Variants in GIPC1 observed in about 807,000 individuals in gnomAD.
GIPC1 encodes the protein PDZ domain-containing protein GIPC1.
GIPC1 carries 15 observed loss-of-function variants against 28.5 expected under a neutral mutation model. The ratio of observed to expected loss-of-function variants is 0.53; its 90% CI spans 0.35 to 0.81. The LOEUF (loss-of-function observed/expected upper bound fraction) is 0.81, where lower values mean the gene tolerates loss of function less well. Ranked by LOEUF, GIPC1 falls within the 30% of genes least tolerant of loss-of-function variation. The pLI, the probability that GIPC1 is intolerant of heterozygous loss-of-function variation, is 0.01. For missense variants in GIPC1, 439 were observed against 481.9 expected (o/e 0.91, Z 0.83); for synonymous variants, 224 against 206.1 (o/e 1.09, Z -0.74).
At chr19:14,483,982 T>G (rs193215392) in intron 3 of GIPC1, among the ~76,000 whole-genome samples, 22 of 151,956 alleles carry the variant, frequency 1.4e-4, no homozygotes, top group Admixed American at 7.9e-4. Flanking sequence ...CATAGGCACA[T>G]GCCATGAAGC....
chr19:14,484,527 C>T (rs1248303290), intron 3 of GIPC1, among the ~76,000 whole-genome samples: 1 of 150,634 alleles, frequency 6.6e-6, no homozygotes, highest in Non-Finnish European at 1.5e-5. Context: ...GGGTGGATCA[C>T]GAGGTCAGGA....
chr19:14,485,812 C>CCAG (rs1231570414), intron 3 of GIPC1, among the ~76,000 whole-genome samples: 1 of 147,648 alleles, frequency 6.8e-6, no homozygotes, highest in Admixed American at 6.8e-5. Flanking sequence ...ACTATGTCAC[C>CCAG]CAGGCTGGAG....
At chr19:14,493,849 C>T (rs2072021223) in intron 1 of GIPC1, among the ~76,000 whole-genome samples, 1 of 151,104 alleles carries the variant, frequency 6.6e-6, no homozygotes, top group Admixed American at 6.6e-5. Flanking sequence ...TTAGTAGAGA[C>T]AGGGTTTCTC....
chr19:14,491,047 C>T lies in GIPC1; in HGVS notation c.-31+609G>A, dbSNP rs192063756. Reference sequence around the variant, plus strand: ...GGCCGGGTGCAGGGACGGTGGCTCCCGCCTGTAATCCCAACACTTTGGGAG... The same window carrying T: ...GGCCGGGTGCAGGGACGGTGGCTCCTGCCTGTAATCCCAACACTTTGGGAG... On this transcript the variant is annotated intron_variant, in intron 3 of 8. Transcript: ENST00000393033. Among the ~76,000 whole-genome samples the T allele has an allele frequency of 6.4e-4, 98 of 151,944 alleles. 1 individual carries two copies. Among genetic ancestry groups the T allele is most frequent in the African/African-American group, 2.2e-3 (92 of 41,466 alleles).
rs2071762905 is a variant in GIPC1, at chr19:14,482,900, C to A, written c.77G>T (p.Gly26Val). ...ENEEAEPGRG[G>V]LGVGEPGPLG... ...AGGCCCTGGCTCCCCCACGCCCAGC[C>A]CTCCACGGCCTGGCTCAGCCTCCTC... Residue 26 changes from glycine to valine, a missense_variant, in exon 4 of 9, where the codon GGG (glycine) becomes GTG (valine). Coordinates refer to ENST00000393033, the MANE Select transcript of GIPC1 (RefSeq NM_005716.4). The A allele has an allele frequency of 1.9e-6, 3 of 1,601,026 alleles. No homozygotes were observed. The Admixed American group carries it at 5.1e-5, about 27-fold the overall frequency.
Position 14,478,402 on chromosome 19 carries a change from G to A in GIPC1, c.*14C>T, listed in dbSNP as rs1185506801. Reference sequence around the variant, plus strand: ...GTTGCGCCCGGGTCATCATCGCAGGGTCCGGGGGCAGTCCTAGTAGCGGCC... The same window carrying A: ...GTTGCGCCCGGGTCATCATCGCAGGATCCGGGGGCAGTCCTAGTAGCGGCC... On this transcript the variant is annotated 3_prime_UTR_variant, in exon 9 of 9. Coordinates refer to ENST00000393033, the MANE Select transcript of GIPC1 (RefSeq NM_005716.4). The surrounding 1 kb of genome is among the most constrained non-coding windows in gnomAD (Gnocchi z 5.2). 1.3e-6 allele frequency: 2 copies of A among 1,599,468 alleles called. No individual in the cohort carries two copies. The highest frequency in any genetic ancestry group is 4.5e-5 in the East Asian group (2 of 44,284).
At chr19:14,487,579 C>G (rs1349053284) in intron 3 of GIPC1, among the ~76,000 whole-genome samples, 2 of 151,858 alleles carry the variant, frequency 1.3e-5, no homozygotes, top group Non-Finnish European at 2.9e-5. Context: ...TATAGGCTAG[C>G]TGGGGCTCTG....
intron 3 of GIPC1, chr19:14,489,301 G>C (rs1259231755): frequency 1.3e-6 from 1 of 743,756 alleles, no homozygotes; most frequent in Non-Finnish European, 2.5e-6. Flanking sequence ...GATGACGCCA[G>C]GCACAAGATG....
rs77686846 is a variant in GIPC1, at chr19:14,489,945, C to G, written c.-31+1711G>C. Reference sequence around the variant, plus strand: ...AAATTTGATCCCCAAAGTGGTGGTGCGGTGTTGGGAGGTGGGGCCTAGTGG... The same window carrying G: ...AAATTTGATCCCCAAAGTGGTGGTGGGGTGTTGGGAGGTGGGGCCTAGTGG... On this transcript the variant is annotated intron_variant, in intron 3 of 8. Coordinates refer to ENST00000393033, the MANE Select transcript of GIPC1 (RefSeq NM_005716.4). Among the ~76,000 whole-genome samples the G allele has an allele frequency of 2.9e-4, 43 of 150,632 alleles. 1 individual carries two copies. In the East Asian group the frequency reaches 8.0e-3, roughly 28 times the overall value.
intron 3 of GIPC1, chr19:14,489,290 CGAT>C: frequency 5.6e-6 from 4 of 720,320 alleles, no homozygotes; most frequent in Non-Finnish European, 1.0e-5. Flanking sequence ...CTAACGAGGT[CGAT>C]GACGCCAGGC....
In GIPC1 at chr19:14,496,041, T is replaced by TCCGTCGCCG; in HGVS notation, c.-180_-179insCGGCGACGG. 1 of 225,788 alleles carries TCCGTCGCCG rather than the reference T, an allele frequency of 4.4e-6. No individual in the cohort carries two copies. The highest frequency in any genetic ancestry group is 1.2e-4 in the East Asian group (1 of 8,160). 14.0% of individuals were successfully genotyped at this position (225,788 alleles called of 1,614,324 possible). On this transcript the variant is annotated 5_prime_UTR_variant, in exon 1 of 9. Coordinates refer to ENST00000393033, the MANE Select transcript of GIPC1 (RefSeq NM_005716.4). Reference sequence around the variant, plus strand: ...CTTCTCGCAGAGGCCACTCACCTGCTCCGCCGCCGCCGCCGCCGCCGCCGC... The same window carrying TCCGTCGCCG: ...CTTCTCGCAGAGGCCACTCACCTGCTCCGTCGCCGCCGCCGCCGCCGCCGCCGCCGCCGC...
rs764704622 is a variant in GIPC1 at position 14,483,021 on chromosome 19, G to A, written c.-30-15C>T. 3.2e-6 allele frequency: 5 copies of A among 1,584,200 alleles called. No homozygotes were observed. In the East Asian group the frequency reaches 6.7e-5, roughly 21 times the overall value. On this transcript the variant is annotated splice_polypyrimidine_tract_variant and intron_variant, in intron 3 of 8. Coordinates refer to ENST00000393033, the MANE Select transcript of GIPC1 (RefSeq NM_005716.4). ...CACCAGAAGATCTGCAGGACAGGAA[G>A]TGGGGCTCAGGGCCTGGGCAGAGGC...
At chr19:14,490,707 C>G (rs1268684107) in intron 3 of GIPC1, among the ~76,000 whole-genome samples, 1 of 149,558 alleles carries the variant, frequency 6.7e-6, no homozygotes, top group Non-Finnish European at 1.5e-5. Flanking sequence ...GGTGTGGTGG[C>G]TCACGCCTGT....
chr19:14,493,212 G>A (rs545667818), intron 1 of GIPC1, among the ~76,000 whole-genome samples: 306 of 152,308 alleles, frequency 2.0e-3, no homozygotes, highest in African/African-American at 7.1e-3. Flanking sequence ...TGCCCTGGCA[G>A]AACTCTTGTC....
intron 1 of GIPC1, among the ~76,000 whole-genome samples, chr19:14,495,393 G>A (rs2072054780): frequency 6.6e-6 from 1 of 152,062 alleles, no homozygotes; most frequent in African/African-American, 2.4e-5. Flanking sequence ...CAGTCTAGTG[G>A]GTGTGACTCC....
chr19:14,478,552 TCCAC>T lies in GIPC1; in HGVS notation c.862_865del (p.Val288SerfsTer77). The T allele has an allele frequency of 6.2e-7, 1 of 1,613,952 alleles. No homozygotes were observed. Among genetic ancestry groups the T allele is most frequent in the Non-Finnish European group, 8.5e-7 (1 of 1,179,970 alleles). Reference sequence around the variant, plus strand: ...CGGGTTCCTTTTGTCCTTTCCCAGCTCCACCATGGTGGCCGCTATTGGGGGAGGG... The same window carrying T: ...CGGGTTCCTTTTGTCCTTTCCCAGCTCATGGTGGCCGCTATTGGGGGAGGG... On this transcript the variant is annotated frameshift_variant, in exon 9 of 9. Transcript: ENST00000393033. LOFTEE classifies it high-confidence loss of function. This position sits in a 1 kb window ranked among gnomAD's most constrained non-coding sequence, Gnocchi z 5.2.
rs539658868 is a variant in GIPC1, at chr19:14,484,238, C to T, written c.-30-1232G>A. On this transcript the variant is annotated intron_variant, in intron 3 of 8. Transcript: ENST00000393033. Reference sequence around the variant, plus strand: ...CAATCTCTTGCCTCCCGGGTACAAGCGATTCTCTTGTCTCAGCCTCCCAAG... The same window carrying T: ...CAATCTCTTGCCTCCCGGGTACAAGTGATTCTCTTGTCTCAGCCTCCCAAG... 9.9e-5 allele frequency among the ~76,000 whole-genome samples: 15 copies of T among 150,800 alleles called. No individual in the cohort carries two copies. In the South Asian group the frequency reaches 2.1e-3, roughly 21 times the overall value.
intron 3 of GIPC1, among the ~76,000 whole-genome samples, chr19:14,490,438 G>A (rs1289273419): frequency 6.6e-6 from 1 of 152,078 alleles, no homozygotes; most frequent in East Asian, 1.9e-4. Flanking sequence ...AGCACTTTGG[G>A]AGGCAGAGGC....
chr19:14,482,819 G>C lies in GIPC1; in HGVS notation c.158C>G (p.Ala53Gly), dbSNP rs1179101468. ...GTGGAACACGAGGCGGGGCCGCAGGGCTGGGGGAGGGGGGGGCAAGCCCAT... is the reference window on the plus strand; with the variant it reads ...GTGGAACACGAGGCGGGGCCGCAGGCCTGGGGGAGGGGGGGGCAAGCCCAT... ...PQMGLPPPPP[A>G]LRPRLVFHTQ... Residue 53 changes from alanine (A) to glycine (G), a missense_variant, in exon 4 of 9, where the codon GCC becomes GGC. Physicochemically the swap from Ala to Gly is moderately conservative, Grantham distance 60. Transcript: ENST00000393033. 2 of 1,587,070 alleles carry C rather than the reference G, an allele frequency of 1.3e-6. No homozygotes were observed. Among genetic ancestry groups the C allele is most frequent in the African/African-American group, 1.3e-5 (1 of 74,466 alleles).
Sources: allele counts gnomAD v4.1 joint callset (sites outside exome capture counted in the v4.1 genomes callset), GRCh38; gene constraint gnomAD v4.1.1; non-coding constraint Gnocchi (gnomAD v3.1); transcripts MANE v1.5; gene names NCBI Gene and HGNC (gene_info 2026-07-23, HGNC 2026-07-21).